FOXO1: variants seen among roughly 807,000 people sequenced by gnomAD.
FOXO1 encodes the protein forkhead box protein O1.
A neutral mutation model predicts 44.1 loss-of-function variants in FOXO1; 6 were observed. The observed-to-expected ratio is 0.14, with a 90% CI of 0.07 to 0.27. FOXO1 has a LOEUF of 0.27. FOXO1 is among the 10% of genes least tolerant of loss of function. The probability of loss-of-function intolerance (pLI) is 1.00; values close to 1 mark genes in which losing one functional copy is unlikely to be tolerated. For synonymous variants in FOXO1, 380 were observed against 362.7 expected (o/e 1.05, Z -0.54); for missense variants, 737 against 888.8 (o/e 0.83, Z 2.17).
intron 1 of FOXO1, among the ~76,000 whole-genome samples, chr13:40,648,798 TC>T (rs1389410060): frequency 6.6e-5 from 10 of 152,202 alleles, no homozygotes; most frequent in African/African-American, 2.4e-4. Flanking sequence ...TAACCATAAA[TC>T]CAAAAGCTTT....
chr13:40,594,337 G>A (rs1056853681), intron 1 of FOXO1, among the ~76,000 whole-genome samples: 4 of 152,096 alleles, frequency 2.6e-5, no homozygotes, highest in South Asian at 4.1e-4. Flanking sequence ...GGAAGGAGTC[G>A]CAGGTGCTCA....
chr13:40,617,005 G>A (rs532594076), intron 1 of FOXO1, among the ~76,000 whole-genome samples: 23 of 152,236 alleles, frequency 1.5e-4, no homozygotes, highest in African/African-American at 5.5e-4. Flanking sequence ...GCCCACACCC[G>A]CCCTACTGGA....
intron 1 of FOXO1, among the ~76,000 whole-genome samples, chr13:40,628,279 C>A (rs566838123): frequency 1.3e-5 from 2 of 151,866 alleles, no homozygotes; most frequent in East Asian, 3.9e-4. Context: ...CACAAGCATA[C>A]CCATGTCAAA....
At chr13:40,606,687 A>G (rs960732349) in intron 1 of FOXO1, among the ~76,000 whole-genome samples, 1 of 152,128 alleles carries the variant, frequency 6.6e-6, no homozygotes, top group Non-Finnish European at 1.5e-5. Flanking sequence ...CAGGGTGCCA[A>G]AAGCGACTGA....
rs760232463 is a variant in FOXO1 at position 40,665,637 on chromosome 13, C to G, written c.576G>C (p.Lys192Asn). 6.6e-7 allele frequency: 1 copy of G among 1,512,992 alleles called. No homozygotes were observed. Among genetic ancestry groups the G allele is most frequent in the South Asian group, 1.3e-5 (1 of 79,876 alleles). 93.7% of individuals were successfully genotyped at this position (1,512,992 alleles called of 1,614,324 possible). Residue 192 changes from lysine (K) to asparagine (N), a missense_variant, in exon 1 of 3, where the codon AAG becomes AAC. By Grantham distance (94) the Lys-to-Asn change is moderately conservative. Transcript: ENST00000379561. ...TLSQIYEWMV[K>N]SVPYFKDKGD... ...CCTTATCCTTGAAGTAGGGCACGCT[C>G]TTGACCATCCACTCGTAGATCTGCG...
At chr13:40,619,707 G>GA in intron 1 of FOXO1, 1 of 1,136,350 alleles carries the variant, frequency 8.8e-7, no homozygotes, top group Non-Finnish European at 1.3e-6. Context: ...CTTCAAGGGG[G>GA]AAAAATTCAG....
rs1241395005 is a variant in FOXO1 at position 40,665,919 on chromosome 13, GGCCGCCGCC to G, written c.285_293del (p.Ala100_Ala102del). The G allele has an allele frequency of 1.7e-6, 2 of 1,198,778 alleles. No individual in the cohort carries two copies. Among genetic ancestry groups the G allele is most frequent in the Middle Eastern group, 3.3e-4 (1 of 3,052 alleles). The allele number at this position is 1,198,778 out of a possible 1,614,324, so 74.3% of individuals were successfully genotyped here. ...ACAGCCCCCCGGTGGCGGCCGCGGCGGCCGCCGCCGCCACCGCCGCCGCCACGGAGCCGG... is the reference window on the plus strand; with the variant it reads ...ACAGCCCCCCGGTGGCGGCCGCGGCGGCCACCGCCGCCGCCACGGAGCCGG... On this transcript the variant is annotated inframe_deletion, in exon 1 of 3. Coordinates refer to ENST00000379561, the MANE Select transcript of FOXO1 (RefSeq NM_002015.4).
chr13:40,620,057 C>T (rs1876557143), intron 1 of FOXO1: 5 of 888,584 alleles, frequency 5.6e-6, no homozygotes, highest in Non-Finnish European at 9.0e-6. Flanking sequence ...ACTAGAAGAT[C>T]TGTCAGGAGG....
intron 1 of FOXO1, among the ~76,000 whole-genome samples, chr13:40,563,582 G>A (rs1181055261): frequency 6.6e-6 from 1 of 152,052 alleles, no homozygotes; most frequent in Non-Finnish European, 1.5e-5. Context: ...ACTGTCTCCT[G>A]TTCCCAAGAA....
intron 1 of FOXO1, among the ~76,000 whole-genome samples, chr13:40,652,246 A>G (rs897487932): frequency 6.6e-6 from 1 of 151,760 alleles, no homozygotes; most frequent in Non-Finnish European, 1.5e-5. Context: ...TATAGTATGA[A>G]TGATGGCAGG....
At position 40,645,332 on chromosome 13, in the gene FOXO1, T is replaced by C. The variant is rs190632079; in HGVS notation, c.630+20251A>G. Among the ~76,000 whole-genome samples, 9 of 152,338 alleles carry C rather than the reference T, an allele frequency of 5.9e-5. No homozygotes were observed. The East Asian group carries it at 1.2e-3, about 20-fold the overall frequency. On this transcript the variant is annotated intron_variant, in intron 1 of 2. Transcript: ENST00000379561. ...GTAAAACTATGGTAAGACAAACACA[T>C]ACTTACATATTTTCAGTTTAAAAGG...
rs1873989373 is a variant in FOXO1, at chr13:40,560,961, G to C, written c.631-101C>G. 1.7e-6 allele frequency: 2 copies of C among 1,195,664 alleles called. No homozygotes were observed. Among genetic ancestry groups the C allele is most frequent in the Non-Finnish European group, 1.2e-6 (1 of 866,216 alleles). The allele number at this position is 1,195,664 out of a possible 1,614,324, so 74.1% of individuals were successfully genotyped here. ...GGAAAACAAGTAAAAAATCTTAAGA[G>C]TGTGTGCTACAGATTTCCATCTGAA... On this transcript the variant is annotated intron_variant, in intron 1 of 2. Coordinates refer to ENST00000379561, the MANE Select transcript of FOXO1 (RefSeq NM_002015.4). The surrounding 1 kb of genome is among the most constrained non-coding windows in gnomAD (Gnocchi z 5.1).
chr13:40,583,520 A>G (rs1478211230), intron 1 of FOXO1, among the ~76,000 whole-genome samples: 6 of 152,178 alleles, frequency 3.9e-5, no homozygotes, highest in Non-Finnish European at 7.3e-5. Context: ...CAATGGTCTT[A>G]TCTACATCTT....
At chr13:40,664,824 A>C (rs1160392589) in intron 1 of FOXO1, among the ~76,000 whole-genome samples, 13 of 149,952 alleles carry the variant, frequency 8.7e-5, no homozygotes, top group Non-Finnish European at 1.8e-4. Flanking sequence ...CGCCACCGCC[A>C]CCGCCACCGC....
At chr13:40,637,337 AG>A (rs1225245999) in intron 1 of FOXO1, among the ~76,000 whole-genome samples, 5 of 149,416 alleles carry the variant, frequency 3.3e-5, no homozygotes, top group Non-Finnish European at 7.4e-5. Flanking sequence ...CCAGCTACTC[AG>A]GAGGCTGAGG....
At chr13:40,573,797 G>A (rs914764722) in intron 1 of FOXO1, among the ~76,000 whole-genome samples, 14 of 152,186 alleles carry the variant, frequency 9.2e-5, no homozygotes, top group African/African-American at 1.7e-4. Context: ...AAAACACACT[G>A]GCTATGCGCA....
intron 1 of FOXO1, among the ~76,000 whole-genome samples, chr13:40,638,950 T>C (rs938842938): frequency 2.0e-5 from 3 of 152,096 alleles, no homozygotes; most frequent in Admixed American, 1.3e-4. Flanking sequence ...TCCAAGCACT[T>C]TGGGAGGCCA....
intron 1 of FOXO1, among the ~76,000 whole-genome samples, chr13:40,663,072 T>TTAA: frequency 6.6e-6 from 1 of 152,354 alleles, no homozygotes; most frequent in Admixed American, 6.5e-5. Context: ...CAACTGACAT[T>TTAA]ACACCTGAAA....
At chr13:40,612,132 CCCTG>C (rs1876255671) in intron 1 of FOXO1, among the ~76,000 whole-genome samples, 1 of 152,150 alleles carries the variant, frequency 6.6e-6, no homozygotes, top group South Asian at 2.1e-4. Context: ...CTAGGTTTTG[CCCTG>C]CCTTTTTACA....
Sources: allele counts gnomAD v4.1 joint callset (sites outside exome capture counted in the v4.1 genomes callset), GRCh38; gene constraint gnomAD v4.1.1; non-coding constraint Gnocchi (gnomAD v3.1); transcripts MANE v1.5; gene names NCBI Gene and HGNC (gene_info 2026-07-23, HGNC 2026-07-21).